ABHD17C: variants seen among roughly 807,000 people sequenced by gnomAD.
ABHD17C encodes the protein alpha/beta hydrolase domain-containing protein 17C.
ABHD17C carries 11 observed loss-of-function variants against 27.9 expected under a neutral mutation model. The ratio of observed to expected loss-of-function variants is 0.39; its 90% CI spans 0.25 to 0.65. ABHD17C has a LOEUF of 0.65. Among genes scored for constraint, ABHD17C ranks in the 30% least tolerant of loss-of-function variants. The probability of loss-of-function intolerance (pLI) is 0.45; values close to 1 mark genes in which losing one functional copy is unlikely to be tolerated. For missense variants in ABHD17C, 280 were observed against 470.2 expected, an observed-to-expected ratio of 0.60 and a Z score of 3.74; for synonymous variants, 233 against 209.1, an observed-to-expected ratio of 1.11 and a Z score of -0.98.
At chr15:80,739,412 T>C (rs1026010294) in intron 1 of ABHD17C, among the ~76,000 whole-genome samples, 8 of 152,158 alleles carry the variant, frequency 5.3e-5, no homozygotes, top group Non-Finnish European at 1.0e-4. Context: ...GGTTTAGATA[T>C]TTGTCTCCTC....
rs768641610 is a variant in ABHD17C, at chr15:80,754,165, C to T, written c.785C>T (p.Ser262Phe). ...FDAFPSIDKI[S>F]KVTSPVLVIH... is the part of the protein sequence containing the mutation. ...CTGTTTTGCAGCATTGACAAGATAT[C>T]TAAAGTCACCTCTCCTGTGTTGGTC... Residue 262 changes from serine to phenylalanine, a missense_variant, in exon 3 of 3, where the codon TCT (serine) becomes TTT (phenylalanine). Physicochemically the swap from Ser to Phe is radical, Grantham distance 155. Around this residue, in one of 2 missense-constraint regions of ABHD17C, gnomAD observed 206 missense variants for 394.7 expected, o/e 0.52. Transcript: ENST00000258884. The T allele has an allele frequency of 6.2e-7, 1 of 1,613,804 alleles. No individual in the cohort carries two copies. The highest frequency in any genetic ancestry group is 1.1e-5 in the South Asian group (1 of 91,076).
chr15:80,698,071 T>C (rs1350632644), intron 1 of ABHD17C, among the ~76,000 whole-genome samples: 1 of 148,084 alleles, frequency 6.8e-6, no homozygotes, highest in Non-Finnish European at 1.5e-5. Flanking sequence ...CTTTTTTTTT[T>C]TTTTTTTTTT....
chr15:80,739,615 C>A (rs756473458), intron 1 of ABHD17C, among the ~76,000 whole-genome samples: 2 of 152,144 alleles, frequency 1.3e-5, no homozygotes, highest in African/African-American at 4.8e-5. Flanking sequence ...TTCTCTCCCC[C>A]ACCATGTGAC....
At chr15:80,741,065 T>C (rs957755673) in intron 1 of ABHD17C, among the ~76,000 whole-genome samples, 1 of 152,130 alleles carries the variant, frequency 6.6e-6, no homozygotes, top group African/African-American at 2.4e-5. Context: ...ATCCCCTTCC[T>C]TCATCTGCCA....
chr15:80,721,198 C>T (rs530294412), intron 1 of ABHD17C, among the ~76,000 whole-genome samples: 2 of 140,858 alleles, frequency 1.4e-5, no homozygotes, highest in South Asian at 4.7e-4. Flanking sequence ...TTTGTGTTTA[C>T]CCATCATTTT....
At chr15:80,701,733 A>G (rs951421831) in intron 1 of ABHD17C, among the ~76,000 whole-genome samples, 7 of 152,184 alleles carry the variant, frequency 4.6e-5, no homozygotes, top group African/African-American at 1.4e-4. Context: ...GGAAAGCACA[A>G]TGATATTTCT....
chr15:80,712,854 T>C lies in ABHD17C; in HGVS notation c.590+16835T>C, dbSNP rs1166218856. Among the ~76,000 whole-genome samples, 8 of 152,346 alleles carry C rather than the reference T, an allele frequency of 5.3e-5. No homozygotes were observed. The East Asian group carries it at 1.5e-3, about 29-fold the overall frequency. On this transcript the variant is annotated intron_variant, in intron 1 of 2. Transcript: ENST00000258884. ...TATCAGCTTCATCTCCTCGGATCCA[T>C]GAGACCTGTGCATTTGCTGTCTTTT...
At chr15:80,724,120 T>C (rs544465583) in intron 1 of ABHD17C, among the ~76,000 whole-genome samples, 41 of 152,116 alleles carry the variant, frequency 2.7e-4, no homozygotes, top group African/African-American at 8.2e-4. Context: ...GGAGGGTTGC[T>C]TGAGTCCAAA....
At chr15:80,714,323 C>T (rs1042444338) in intron 1 of ABHD17C, among the ~76,000 whole-genome samples, 3 of 152,324 alleles carry the variant, frequency 2.0e-5, no homozygotes, top group East Asian at 3.9e-4. Flanking sequence ...ATTCCTTGAA[C>T]GTCTGTTTTA....
rs1894671074 is a variant in ABHD17C, at chr15:80,707,971, G to C, written c.590+11952G>C. The stretch of plus-strand genomic sequence containing the variant: ...TTCCTGTTTCCATCCCTGAAGCTCA[G>C]TGGGAGCTTGCAGTGCAAGGGTTCC... On this transcript the variant is annotated intron_variant, in intron 1 of 2. Coordinates refer to ENST00000258884, the MANE Select transcript of ABHD17C (RefSeq NM_021214.2). Among the ~76,000 whole-genome samples, 3 of 152,158 alleles carry C rather than the reference G, an allele frequency of 2.0e-5. No homozygotes were observed. The South Asian group carries it at 6.2e-4, about 31-fold the overall frequency.
At position 80,701,847 on chromosome 15, in the gene ABHD17C, T is replaced by A. The variant is rs115186122; in HGVS notation, c.590+5828T>A. On this transcript the variant is annotated intron_variant, in intron 1 of 2. Transcript: ENST00000258884. The stretch of plus-strand genomic sequence containing the variant: ...CCTGTTGAAATTGAAGTAGGCATAG[T>A]CCGTTTTGGGGATCCACTCAGAGCC... Among the ~76,000 whole-genome samples, 810 of 152,244 alleles carry A rather than the reference T, an allele frequency of 5.3e-3. 8 individuals carry two copies. The highest frequency in any genetic ancestry group is 0.019 in the African/African-American group (774 of 41,548).
At chr15:80,710,776 A>G (rs895050925) in intron 1 of ABHD17C, among the ~76,000 whole-genome samples, 2 of 151,156 alleles carry the variant, frequency 1.3e-5, no homozygotes, top group African/African-American at 4.9e-5. Context: ...GGGTCTCACT[A>G]TGTTGTCCAG....
chr15:80,711,356 G>T (rs1007294195), intron 1 of ABHD17C, among the ~76,000 whole-genome samples: 2 of 152,306 alleles, frequency 1.3e-5, no homozygotes, highest in South Asian at 4.1e-4. Flanking sequence ...ACTTTCTGTG[G>T]CTGGAGAGTG....
chr15:80,736,546 T>C (rs953258768), intron 1 of ABHD17C, among the ~76,000 whole-genome samples: 1 of 152,226 alleles, frequency 6.6e-6, no homozygotes, highest in Admixed American at 6.5e-5. Context: ...ATTTTTTTAA[T>C]GTTTATCTAA....
chr15:80,723,461 A>T (rs1045001616), intron 1 of ABHD17C, among the ~76,000 whole-genome samples: 6 of 152,176 alleles, frequency 3.9e-5, no homozygotes, highest in Non-Finnish European at 7.3e-5. Context: ...TGACTAGATC[A>T]TGTTGTTAGG....
intron 1 of ABHD17C, among the ~76,000 whole-genome samples, chr15:80,713,545 C>T (rs1221322354): frequency 1.3e-5 from 2 of 151,924 alleles, no homozygotes; most frequent in East Asian, 1.9e-4. Context: ...TGCAGTGGCT[C>T]ACGCCTGTAA....
intron 2 of ABHD17C, among the ~76,000 whole-genome samples, chr15:80,750,043 T>G (rs1197475356): frequency 6.6e-6 from 1 of 152,238 alleles, no homozygotes; most frequent in Non-Finnish European, 1.5e-5. Flanking sequence ...ACACTTCTTG[T>G]TAAATCTTGA....
rs149786823 is a variant in ABHD17C, at chr15:80,718,945, G to T, written c.590+22926G>T. Among the ~76,000 whole-genome samples, 10 of 152,296 alleles carry T rather than the reference G, an allele frequency of 6.6e-5. No individual in the cohort carries two copies. In the East Asian group the frequency reaches 1.9e-3, roughly 29 times the overall value. On this transcript the variant is annotated intron_variant, in intron 1 of 2. Transcript: ENST00000258884. ...TACAGTGATGATGGCGACATACAGG[G>T]TAGTAACTCCCTCTTCTATTTTTTT...
In ABHD17C at chr15:80,695,498, G is replaced by T; in HGVS notation, c.69G>T (p.Pro23=). 1 of 1,389,898 alleles carries T rather than the reference G, an allele frequency of 7.2e-7. No homozygotes were observed. The highest frequency in any genetic ancestry group is 9.4e-7 in the Non-Finnish European group (1 of 1,061,210). The allele number at this position is 1,389,898 out of a possible 1,614,324, so 86.1% of individuals were successfully genotyped here. The change falls in exon 1 of 3, where the codon CCG becomes CCT. Residue 23 remains proline, a synonymous_variant. Transcript: ENST00000258884. This position sits in a 1 kb window ranked among gnomAD's most constrained non-coding sequence, Gnocchi z 4.3. The stretch of plus-strand genomic sequence containing the variant: ...AGCTGTGCTGGCTCTTCTGCTGCCC[G>T]CCCTGCCCGAGCCGCATCGCCGCCA... ...LGELCWLFCC[P]PCPSRIAAKL...
Sources: allele counts gnomAD v4.1 joint callset (sites outside exome capture counted in the v4.1 genomes callset), GRCh38; gene constraint gnomAD v4.1.1; regional missense constraint gnomAD v4.1.1; non-coding constraint Gnocchi (gnomAD v3.1); transcripts MANE v1.5; gene names NCBI Gene and HGNC (gene_info 2026-07-23, HGNC 2026-07-21).